Variants in C1orf105 observed in about 807,000 individuals in gnomAD.
C1orf105 encodes uncharacterized protein C1orf105.
C1orf105 carries 17 observed loss-of-function variants against 20.8 expected under a neutral mutation model. The observed-to-expected ratio is 0.82, with a 90% CI of 0.56 to 1.23. C1orf105 has a LOEUF of 1.23. C1orf105 is among the 50% of genes most tolerant of loss of function. The pLI is 0.00. For synonymous variants in C1orf105, 72 were observed against 72.1 expected, an observed-to-expected ratio of 1.00 and a Z score of 0.01; for missense variants, 219 against 213.5, an observed-to-expected ratio of 1.03 and a Z score of -0.16.
chr1:172,445,679 G>T (rs1274171549), intron 2 of C1orf105, among the ~76,000 whole-genome samples: 2 of 152,164 alleles, frequency 1.3e-5, no homozygotes, highest in Non-Finnish European at 2.9e-5. Context: ...CATTTCAACT[G>T]TCTCTTGAAA....
At chr1:172,467,484 A>T (rs545050117) in intron 6 of C1orf105, among the ~76,000 whole-genome samples, 11 of 152,260 alleles carry the variant, frequency 7.2e-5, no homozygotes, top group African/African-American at 1.9e-4. Context: ...CGGACTCTTA[A>T]TCTCAATAAA....
chr1:172,451,843 A>G (rs1258735368), intron 3 of C1orf105, among the ~76,000 whole-genome samples: 3 of 150,664 alleles, frequency 2.0e-5, no homozygotes, highest in Non-Finnish European at 4.4e-5. Flanking sequence ...ATGTGGTAGA[A>G]ATAATTCTGC....
intron 1 of C1orf105, chr1:172,444,073 C>CT (rs1647683162): frequency 1.0e-6 from 1 of 998,280 alleles, no homozygotes; most frequent in Non-Finnish European, 1.2e-6. Context: ...CGACTGTGGC[C>CT]AAGCACTTCC....
chr1:172,460,200 T>C (rs527988312), intron 4 of C1orf105, among the ~76,000 whole-genome samples: 2 of 152,254 alleles, frequency 1.3e-5, no homozygotes, highest in Non-Finnish European at 2.9e-5. Context: ...ATACATGATA[T>C]CATAAACACC....
Position 172,448,426 on chromosome 1 carries a change from GT to G in C1orf105, c.108-11del. 1 of 1,567,384 alleles carries G rather than the reference GT, an allele frequency of 6.4e-7. No homozygotes were observed. The highest frequency in any genetic ancestry group is 8.8e-7 in the Non-Finnish European group (1 of 1,140,306). On this transcript the variant is annotated splice_polypyrimidine_tract_variant and intron_variant, in intron 2 of 6. Coordinates refer to ENST00000367727, the MANE Select transcript of C1orf105 (RefSeq NM_139240.4). The stretch of plus-strand genomic sequence containing the variant: ...GGGACTGCGGTTCTAACGTTCTCTT[GT>G]TTTAATTACTTAGATATCCTCATAC...
At chr1:172,453,314 C>A in intron 3 of C1orf105, 1 of 1,188,540 alleles carries the variant, frequency 8.4e-7, no homozygotes. Context: ...GGAAGGGAGA[C>A]TTGGAGAGTT....
At chr1:172,436,976 C>T (rs967938877) in intron 1 of C1orf105, among the ~76,000 whole-genome samples, 9 of 152,168 alleles carry the variant, frequency 5.9e-5, no homozygotes, top group African/African-American at 2.2e-4. Context: ...TGCCAACAGA[C>T]ACATGAAAAA....
intron 3 of C1orf105, among the ~76,000 whole-genome samples, chr1:172,456,079 C>T (rs6688491): frequency 0.027 from 4,140 of 152,220 alleles, 179 homozygotes; most frequent in African/African-American, 0.094. Flanking sequence ...CCCTCAGACA[C>T]AGGTGCTCAG....
intron 3 of C1orf105, chr1:172,452,978 A>G: frequency 6.5e-7 from 1 of 1,548,068 alleles, no homozygotes; most frequent in Non-Finnish European, 8.7e-7. Flanking sequence ...GAAGAAAAAG[A>G]CCAAAGACCT....
intron 3 of C1orf105, among the ~76,000 whole-genome samples, chr1:172,452,529 C>T (rs1028033703): frequency 2.6e-5 from 4 of 151,776 alleles, no homozygotes; most frequent in East Asian, 1.9e-4. Flanking sequence ...AGAAAGGGAG[C>T]GAAAGAGAGA....
chr1:172,434,901 A>C (rs897238766), intron 1 of C1orf105, among the ~76,000 whole-genome samples: 21 of 152,260 alleles, frequency 1.4e-4, no homozygotes, highest in African/African-American at 4.8e-4. Context: ...ACAATAAAAA[A>C]TGATAAAGGG....
chr1:172,431,135 G>A, intron 1 of C1orf105: 1 of 559,556 alleles, frequency 1.8e-6, no homozygotes, highest in Non-Finnish European at 3.2e-6. Context: ...TTCAAATGAA[G>A]AGTTGCACAT....
intron 1 of C1orf105, chr1:172,444,306 G>A (rs950474811): frequency 3.0e-6 from 3 of 985,452 alleles, no homozygotes; most frequent in Non-Finnish European, 3.6e-6. Context: ...AGAGGACAAG[G>A]AAAGAGGCTG....
chr1:172,441,237 C>T (rs1447128539), intron 1 of C1orf105, among the ~76,000 whole-genome samples: 1 of 152,128 alleles, frequency 6.6e-6, no homozygotes, highest in Non-Finnish European at 1.5e-5. Flanking sequence ...GGTTAAGTAA[C>T]CAATTCTGTG....
intron 2 of C1orf105, among the ~76,000 whole-genome samples, chr1:172,448,109 A>G (rs2149176596): frequency 6.6e-6 from 1 of 152,376 alleles, no homozygotes; most frequent in African/African-American, 2.4e-5. Context: ...TTAAACATCA[A>G]AAACTTGAGT....
chr1:172,439,641 A>C (rs897251504), intron 1 of C1orf105, among the ~76,000 whole-genome samples: 4 of 152,190 alleles, frequency 2.6e-5, no homozygotes, highest in Non-Finnish European at 5.9e-5. Flanking sequence ...CCATATTGTC[A>C]TCCCACCAAG....
Position 172,454,435 on chromosome 1 carries a change from G to GGGT in C1orf105, c.199-1979_199-1978insGTG, listed in dbSNP as rs1456922652. Among the ~76,000 whole-genome samples, 38 of 151,836 alleles carry GGGT rather than the reference G, an allele frequency of 2.5e-4. 1 individual carries two copies. The highest frequency in any genetic ancestry group is 8.2e-4 in the African/African-American group (34 of 41,358). Reference sequence around the variant, plus strand: ...TGGAGGGAGGAGCTGGAGCTTCAGGGGATATCACCCCCAGGGGTATCAGGA... The same window carrying GGGT: ...TGGAGGGAGGAGCTGGAGCTTCAGGGGGTGATATCACCCCCAGGGGTATCAGGA... On this transcript the variant is annotated intron_variant, in intron 3 of 6. Coordinates refer to ENST00000367727, the MANE Select transcript of C1orf105 (RefSeq NM_139240.4).
intron 1 of C1orf105, among the ~76,000 whole-genome samples, chr1:172,425,796 T>A (rs185109029): frequency 6.6e-6 from 1 of 152,134 alleles, no homozygotes; most frequent in African/African-American, 2.4e-5. Context: ...AGCAATAATA[T>A]GCTCATGAGG....
chr1:172,444,038 T>C (rs1647671625), intron 1 of C1orf105: 7 of 999,890 alleles, frequency 7.0e-6, no homozygotes, highest in Non-Finnish European at 8.4e-6. Context: ...CCCAGCCTTT[T>C]TCCCGCTTCG....
Sources: gnomAD v4.1 joint callset for allele counts (sites outside exome capture counted in the v4.1 genomes callset) on GRCh38, gnomAD v4.1.1 for gene constraint, MANE v1.5 for transcripts, NCBI Gene and HGNC (gene_info 2026-07-23, HGNC 2026-07-21) for gene names.